The following ASXL3 variants were observed in gnomAD, a reference collection of about 807,000 sequenced individuals.
ASXL3 encodes putative Polycomb group protein ASXL3.
Under a neutral mutation model 170.6 loss-of-function variants are expected in ASXL3, and 34 were observed. That is an observed-to-expected ratio of 0.20 (90% CI 0.15 to 0.27). The LOEUF (loss-of-function observed/expected upper bound fraction) is 0.27. ASXL3 is among the 10% of genes least tolerant of loss of function. The pLI, the probability that ASXL3 is intolerant of heterozygous loss-of-function variation, is 1.00. For missense variants in ASXL3, 2,592 were observed against 2,695.3 expected, an observed-to-expected ratio of 0.96 and a Z score of 0.85; for synonymous variants, 1,002 against 989.1, an observed-to-expected ratio of 1.01 and a Z score of -0.24.
intron 1 of ASXL3, among the ~76,000 whole-genome samples, chr18:33,590,205 G>C (rs1258325849): frequency 3.3e-5 from 5 of 150,304 alleles, no homozygotes; most frequent in Admixed American, 3.3e-4. Context: ...ATGGCCACTG[G>C]CACAACCTAC....
intron 2 of ASXL3, among the ~76,000 whole-genome samples, chr18:33,610,357 A>G (rs1324612301): frequency 1.3e-5 from 2 of 151,976 alleles, no homozygotes. Flanking sequence ...AGTTACTAAT[A>G]TGGCCATAAC....
chr18:33,725,312 G>T (rs899055705), intron 8 of ASXL3, among the ~76,000 whole-genome samples: 1 of 152,134 alleles, frequency 6.6e-6, no homozygotes, highest in African/African-American at 2.4e-5. Context: ...GTTTACCTTA[G>T]TAATGCTAAA....
intron 8 of ASXL3, among the ~76,000 whole-genome samples, chr18:33,702,294 T>C (rs1275032805): frequency 6.6e-6 from 1 of 152,096 alleles, no homozygotes; most frequent in African/African-American, 2.4e-5. Context: ...CTCTCTCTCT[T>C]ACTCTTTTTT....
intron 9 of ASXL3, among the ~76,000 whole-genome samples, chr18:33,733,060 G>T (rs2067478770): frequency 6.6e-6 from 1 of 151,930 alleles, no homozygotes; most frequent in African/African-American, 2.4e-5. Context: ...GCTTTCATCA[G>T]GATCTCCTAT....
At chr18:33,698,813 G>T (rs2066817880) in intron 8 of ASXL3, among the ~76,000 whole-genome samples, 1 of 151,756 alleles carries the variant, frequency 6.6e-6, no homozygotes, top group Non-Finnish European at 1.5e-5. Context: ...GAGGGGAAAG[G>T]AACACTGTCT....
At chr18:33,626,672 C>T (rs963597716) in intron 2 of ASXL3, 2 of 152,044 alleles carry the variant, frequency 1.3e-5, no homozygotes, top group African/African-American at 4.8e-5. Flanking sequence ...TAACAGGCAG[C>T]ACCAGGTCTT....
chr18:33,692,797 C>G (rs1461501898), intron 8 of ASXL3, among the ~76,000 whole-genome samples: 1 of 152,146 alleles, frequency 6.6e-6, no homozygotes, highest in Non-Finnish European at 1.5e-5. Flanking sequence ...TTTAACTTGT[C>G]TAATAAATGT....
chr18:33,585,953 T>C (rs570135891), intron 1 of ASXL3, among the ~76,000 whole-genome samples: 1 of 152,316 alleles, frequency 6.6e-6, no homozygotes, highest in Non-Finnish European at 1.5e-5. Flanking sequence ...GTACACGTAT[T>C]CCATTATTCT....
chr18:33,696,853 C>T (rs913118441), intron 8 of ASXL3, among the ~76,000 whole-genome samples: 1 of 152,106 alleles, frequency 6.6e-6, no homozygotes, highest in Non-Finnish European at 1.5e-5. Context: ...GATGTATCAC[C>T]AAACATATGG....
chr18:33,742,826 A>C, intron 11 of ASXL3, 62 bp from the exon 12 acceptor site: 1 of 1,504,472 alleles, frequency 6.6e-7, no homozygotes, highest in Non-Finnish European at 8.9e-7. Context: ...ATCACATTCT[A>C]CGTGCCTCCT....
rs906937705 is a variant in ASXL3 at position 33,671,724 on chromosome 18, A to G, written c.596-23A>G. On this transcript the variant is annotated intron_variant, in intron 6 of 11. Transcript: ENST00000269197. ...AAGGACAGCTAGAGAAGATAATGAC[A>G]TAATAACTATTTCCTTTTTTAGGAT... 5 of 1,576,412 alleles carry G rather than the reference A, an allele frequency of 3.2e-6. No individual in the cohort carries two copies. The African/African-American group carries it at 4.1e-5, about 13-fold the overall frequency.
At chr18:33,584,063 A>G (rs1193691787) in intron 1 of ASXL3, among the ~76,000 whole-genome samples, 1 of 152,162 alleles carries the variant, frequency 6.6e-6, no homozygotes, top group African/African-American at 2.4e-5. Context: ...CAGAAGGGAA[A>G]AGCTATGTGG....
At chr18:33,661,766 C>T in intron 5 of ASXL3, 29 bp downstream of exon 5, 1 of 1,605,780 alleles carries the variant, frequency 6.2e-7, no homozygotes, top group Non-Finnish European at 8.5e-7. Context: ...ATTCTTTGTC[C>T]TTCAGTTCTG....
chr18:33,634,585 C>T (rs1196370978), intron 2 of ASXL3, among the ~76,000 whole-genome samples: 1 of 151,924 alleles, frequency 6.6e-6, no homozygotes, highest in Non-Finnish European at 1.5e-5. Context: ...ATGGTCTGTA[C>T]CAAAAAGTGG....
At chr18:33,681,551 CTG>C (rs1202604896) in intron 7 of ASXL3, among the ~76,000 whole-genome samples, 1 of 151,886 alleles carries the variant, frequency 6.6e-6, no homozygotes, top group African/African-American at 2.4e-5. Context: ...ATCCATCACA[CTG>C]TAATTTCTTG....
intron 2 of ASXL3, among the ~76,000 whole-genome samples, chr18:33,620,194 A>G (rs1446208553): frequency 2.0e-5 from 3 of 152,156 alleles, no homozygotes; most frequent in Admixed American, 6.6e-5. Context: ...TGGCTATCTT[A>G]AATTCATAAT....
rs549045743 is a variant in ASXL3, at chr18:33,712,471, ATT to A, written c.880-19495_880-19494del. 6.4e-3 allele frequency among the ~76,000 whole-genome samples: 982 copies of A among 152,328 alleles called. 6 individuals are homozygous for A. Among genetic ancestry groups the A allele is most frequent in the Non-Finnish European group, 0.011 (737 of 68,034 alleles). On this transcript the variant is annotated intron_variant, in intron 8 of 11. Transcript: ENST00000269197. ...TAGGTTATTGGGGAAGGAGCCAGTC[ATT>A]TAATCTCTTTTGTATTTCAGACTGC...
At chr18:33,639,072 C>A (rs2065810337) in intron 2 of ASXL3, among the ~76,000 whole-genome samples, 1 of 152,104 alleles carries the variant, frequency 6.6e-6, no homozygotes, top group South Asian at 2.1e-4. Flanking sequence ...ATATTAATTT[C>A]TTTCCATTTG....
chr18:33,654,662 C>CA (rs2066054363), intron 4 of ASXL3, among the ~76,000 whole-genome samples: 1 of 149,828 alleles, frequency 6.7e-6, no homozygotes, highest in Non-Finnish European at 1.5e-5. Context: ...GAACCTGATG[C>CA]AGTGTAGATC....
Sources: allele counts gnomAD v4.1 joint callset (sites outside exome capture counted in the v4.1 genomes callset), GRCh38; gene constraint gnomAD v4.1.1; transcripts MANE v1.5; gene names NCBI Gene and HGNC (gene_info 2026-07-23, HGNC 2026-07-21).